Variants in TRIO observed in about 807,000 individuals in gnomAD.
TRIO encodes the protein trio Rho guanine nucleotide exchange factor.
TRIO carries 58 observed loss-of-function variants against 351.9 expected under a neutral mutation model. The observed-to-expected ratio is 0.16, with a 90% CI of 0.13 to 0.21. The LOEUF (loss-of-function observed/expected upper bound fraction) is 0.21. Among genes scored for constraint, TRIO ranks in the 10% least tolerant of loss-of-function variants. TRIO has a pLI of 1.00. For missense variants in TRIO, 3,201 were observed against 4,027.8 expected (o/e 0.79, Z 5.56); for synonymous variants, 1,758 against 1,595.7 (o/e 1.10, Z -2.42).
chr5:14,359,592 C>A, intron 13 of TRIO, 61 bp downstream of exon 13: 1 of 1,575,124 alleles, frequency 6.3e-7, no homozygotes, highest in Admixed American at 1.7e-5. Flanking sequence ...CTCCACAGCA[C>A]CGGCGCCCTC....
At chr5:14,285,785 CT>C (rs1736391315) in intron 3 of TRIO, among the ~76,000 whole-genome samples, 1 of 152,050 alleles carries the variant, frequency 6.6e-6, no homozygotes, top group African/African-American at 2.4e-5. Flanking sequence ...CCATAAGGTC[CT>C]AGGTATATTT....
At chr5:14,273,475 G>C (rs1391770184) in intron 2 of TRIO, among the ~76,000 whole-genome samples, 1 of 152,228 alleles carries the variant, frequency 6.6e-6, no homozygotes, top group Admixed American at 6.5e-5. Flanking sequence ...TTTGAAGTCA[G>C]AGGACGGTGC....
intron 1 of TRIO, among the ~76,000 whole-genome samples, chr5:14,265,008 T>A (rs1795585043): frequency 2.6e-5 from 4 of 152,242 alleles, no homozygotes; most frequent in Admixed American, 2.6e-4. Flanking sequence ...TTTTTCTGGT[T>A]GTTTAAAAAT....
chr5:14,270,413 G>T (rs1795913656), intron 1 of TRIO, among the ~76,000 whole-genome samples: 1 of 152,152 alleles, frequency 6.6e-6, no homozygotes, highest in South Asian at 2.1e-4. Context: ...TCCCCCTAGA[G>T]GTTTTAGGAT....
At position 14,461,074 on chromosome 5, in the gene TRIO, C is replaced by G. The variant is rs755043791; in HGVS notation, c.5259C>G (p.Leu1753=). Residue 1753 remains leucine, a synonymous_variant, in exon 35 of 57, where the codon CTC becomes CTG. Transcript: ENST00000344204. ...DASPPASVAS[L]QPHMIGAQSS... ...GTCCACCCGCATCCGTGGCTTCCCT[C>G]CAGCCCCACATGATCGGGGCCCAGA... The G allele has an allele frequency of 5.1e-6, 8 of 1,579,282 alleles. No homozygotes were observed. In the South Asian group the frequency reaches 5.8e-5, roughly 11 times the overall value.
intron 40 of TRIO, among the ~76,000 whole-genome samples, chr5:14,475,370 C>G (rs1188536709): frequency 6.6e-6 from 1 of 152,054 alleles, no homozygotes; most frequent in Non-Finnish European, 1.5e-5. Context: ...ACTTGCTTCT[C>G]CATTAGGCCT....
At chr5:14,479,046 G>C (rs141139947) in intron 41 of TRIO, among the ~76,000 whole-genome samples, 3 of 152,294 alleles carry the variant, frequency 2.0e-5, no homozygotes, top group African/African-American at 7.2e-5. Flanking sequence ...GGTTTGGTGT[G>C]TATGGAGAGT....
Position 14,461,239 on chromosome 5 carries a change from G to T in TRIO, c.5424G>T (p.Lys1808Asn). ...ACAAGAAGAGCCGCGAGGTCCGCAA[G>T]AGCGCCGACGCCGGCTCGCAGAAGG... ...HKHKKSREVR[K>N]SADAGSQKDS... The change falls in exon 35 of 57, where the codon AAG (lysine) becomes AAT (asparagine). Residue 1808 changes from lysine (K) to asparagine (N), a missense_variant. Transcript: ENST00000344204. The T allele has an allele frequency of 6.3e-7, 1 of 1,588,310 alleles. No individual in the cohort carries two copies.
chr5:14,333,807 C>A (rs1446829246), intron 10 of TRIO, among the ~76,000 whole-genome samples: 1 of 152,118 alleles, frequency 6.6e-6, no homozygotes, highest in South Asian at 2.1e-4. Context: ...CCAGTTAGGC[C>A]CCCACCCTGG....
intron 1 of TRIO, among the ~76,000 whole-genome samples, chr5:14,251,215 A>G (rs1794725637): frequency 6.6e-6 from 1 of 152,166 alleles, no homozygotes; most frequent in South Asian, 2.1e-4. Context: ...TTGATTTCAT[A>G]GTTGATGATT....
At chr5:14,342,412 A>G (rs185759710) in intron 11 of TRIO, among the ~76,000 whole-genome samples, 1 of 152,218 alleles carries the variant, frequency 6.6e-6, no homozygotes, top group African/African-American at 2.4e-5. Context: ...CACAGTGCTC[A>G]TTGTGTAGAC....
intron 31 of TRIO, among the ~76,000 whole-genome samples, chr5:14,401,542 C>T (rs936124830): frequency 2.6e-5 from 4 of 151,982 alleles, no homozygotes; most frequent in South Asian, 2.1e-4. Context: ...AGTTTGGAGA[C>T]GGAGGGAAAG....
chr5:14,400,577 A>G (rs149774245), intron 30 of TRIO, among the ~76,000 whole-genome samples: 110 of 152,362 alleles, frequency 7.2e-4, no homozygotes, highest in African/African-American at 2.6e-3. Context: ...TGTCATTAAT[A>G]CTGAAGAGAA....
rs1472370343 is a variant in TRIO at position 14,281,429 on chromosome 5, CCCCCCCCG to C, written c.347+998_347+1005del. Among the ~76,000 whole-genome samples, 64 of 121,312 alleles carry C rather than the reference CCCCCCCCG, an allele frequency of 5.3e-4. 6 individuals carry two copies. The highest frequency in any genetic ancestry group is 2.0e-3 in the African/African-American group (64 of 32,260). The allele number at this position is 121,312 out of a possible 152,430, so 79.6% of individuals were successfully genotyped here. On this transcript the variant is annotated intron_variant, in intron 3 of 56. Coordinates refer to ENST00000344204, the MANE Select transcript of TRIO (RefSeq NM_007118.4). ...GATGGTGCTAAGCCGTTAGAACCCCCCCCCCCCGCCCCGTGATCCAATTACCACCCACC... is the reference window on the plus strand; with the variant it reads ...GATGGTGCTAAGCCGTTAGAACCCCCCCCCGTGATCCAATTACCACCCACC...
At chr5:14,377,337 C>A (rs940191815) in intron 19 of TRIO, among the ~76,000 whole-genome samples, 8 of 152,024 alleles carry the variant, frequency 5.3e-5, no homozygotes, top group African/African-American at 1.9e-4. Flanking sequence ...CCTCTGCCTC[C>A]CAGGTTCAAG....
In TRIO at chr5:14,471,335, C is replaced by A; in HGVS notation, c.5781C>A (p.Pro1927=). ...TCTTCCAGGCACTGGAGGATCGCCCCAGCTCACTCCTTGTTGACCAGGGAG... is the reference window on the plus strand; with the variant it reads ...TCTTCCAGGCACTGGAGGATCGCCCAAGCTCACTCCTTGTTGACCAGGGAG... ...VKSKMALEDR[P]SSLLVDQGDS... is the part of the protein sequence containing the mutation. Residue 1927 remains proline, a synonymous_variant, in exon 38 of 57, where the codon CCC becomes CCA. Transcript: ENST00000344204. 6.2e-7 allele frequency: 1 copy of A among 1,613,990 alleles called. No individual in the cohort carries two copies. The highest frequency in any genetic ancestry group is 2.2e-5 in the East Asian group (1 of 44,882).
intron 21 of TRIO, among the ~76,000 whole-genome samples, chr5:14,384,357 G>A (rs1746364268): frequency 6.6e-6 from 1 of 152,196 alleles, no homozygotes; most frequent in South Asian, 2.1e-4. Context: ...GATGAGCAAA[G>A]CTCTCTTGAG....
At chr5:14,158,402 C>T (rs1374903947) in intron 1 of TRIO, among the ~76,000 whole-genome samples, 6 of 149,044 alleles carry the variant, frequency 4.0e-5, no homozygotes, top group African/African-American at 1.0e-4. Context: ...TACAGCCTGG[C>T]GGCAGAGTGA....
intron 1 of TRIO, among the ~76,000 whole-genome samples, chr5:14,264,521 A>G (rs746798668): frequency 1.3e-5 from 2 of 152,012 alleles, no homozygotes; most frequent in Non-Finnish European, 2.9e-5. Context: ...TGATATATTT[A>G]TGTTAAAAAA....
Sources: allele counts gnomAD v4.1 joint callset (sites outside exome capture counted in the v4.1 genomes callset), GRCh38; gene constraint gnomAD v4.1.1; transcripts MANE v1.5; gene names NCBI Gene and HGNC (gene_info 2026-07-23, HGNC 2026-07-21).